Variants in FBXO8 observed in about 807,000 individuals in gnomAD.
The protein encoded by FBXO8 is F-box only protein 8.
Under a neutral mutation model 33.4 loss-of-function variants are expected in FBXO8, and 15 were observed. That is an observed-to-expected ratio of 0.45 (90% CI 0.30 to 0.69). FBXO8 has a LOEUF of 0.69. Ranked by LOEUF, FBXO8 falls within the 30% of genes least tolerant of loss-of-function variation. FBXO8 has a pLI of 0.08. For missense variants in FBXO8, 274 were observed against 380.3 expected (o/e 0.72, Z 2.32); for synonymous variants, 132 against 131.5 (o/e 1.00, Z -0.02).
At chr4:174,282,771 T>G (rs746735225) in intron 1 of FBXO8, among the ~76,000 whole-genome samples, 35 of 152,198 alleles carry the variant, frequency 2.3e-4, no homozygotes, top group Non-Finnish European at 4.6e-4. Context: ...TCAATTATTT[T>G]ATTAGTAAAT....
chr4:174,279,780 G>T (rs1224223722), intron 1 of FBXO8, among the ~76,000 whole-genome samples: 1 of 151,960 alleles, frequency 6.6e-6, no homozygotes, highest in Non-Finnish European at 1.5e-5. Context: ...ATGGTGCTGA[G>T]AAATCATATC....
At chr4:174,249,430 C>A (rs1348088638) in intron 3 of FBXO8, among the ~76,000 whole-genome samples, 2 of 151,988 alleles carry the variant, frequency 1.3e-5, no homozygotes, top group Non-Finnish European at 2.9e-5. Flanking sequence ...ATTTAGAATT[C>A]TTGCTTTATA....
chr4:174,258,708 A>T (rs1736472110), intron 3 of FBXO8, among the ~76,000 whole-genome samples: 1 of 152,046 alleles, frequency 6.6e-6, no homozygotes, highest in Admixed American at 6.6e-5. Context: ...ATAAGTAAAA[A>T]TCAATTGATT....
At position 174,259,344 on chromosome 4, in the gene FBXO8, C is replaced by A. The variant is rs1372306699; in HGVS notation, c.456+355G>T. Among the ~76,000 whole-genome samples the A allele has an allele frequency of 1.3e-5, 2 of 151,864 alleles. No homozygotes were observed. Among genetic ancestry groups the A allele is most frequent in the East Asian group, 3.9e-4 (2 of 5,194 alleles). On this transcript the variant is annotated intron_variant, in intron 3 of 5. Coordinates refer to ENST00000393674, the MANE Select transcript of FBXO8 (RefSeq NM_012180.3). The surrounding 1 kb of genome is among the most constrained non-coding windows in gnomAD (Gnocchi z 4.3). ...ATCACTACTAAGGAAAAACAATAAACAGAAAAAAACTGCTGCAGATAAAAT... is the reference window on the plus strand; with the variant it reads ...ATCACTACTAAGGAAAAACAATAAAAAGAAAAAAACTGCTGCAGATAAAAT...
chr4:174,258,460 T>C (rs932763256), intron 3 of FBXO8, among the ~76,000 whole-genome samples: 7 of 152,198 alleles, frequency 4.6e-5, no homozygotes, highest in Admixed American at 2.0e-4. Flanking sequence ...TAAATCATTC[T>C]AATTTCATTA....
Position 174,283,611 on chromosome 4 carries a change from C to G in FBXO8, c.-210G>C. 3.0e-6 allele frequency: 1 copy of G among 332,160 alleles called. No homozygotes were observed. The highest frequency in any genetic ancestry group is 5.4e-6 in the Non-Finnish European group (1 of 185,006). 20.6% of individuals were successfully genotyped at this position (332,160 alleles called of 1,614,324 possible). A position where few individuals can be genotyped will look rare whatever the true frequency, so the allele number is the denominator to read the frequency against. On this transcript the variant is annotated 5_prime_UTR_variant, in exon 1 of 6. Coordinates refer to ENST00000393674, the MANE Select transcript of FBXO8 (RefSeq NM_012180.3). The surrounding 1 kb of genome is among the most constrained non-coding windows in gnomAD (Gnocchi z 6.7). Reference sequence around the variant, plus strand: ...CTACGACCCTCAGAACTCAGGGTACCTCCAGCTGCAGGGGCCAGAACTGCC... The same window carrying G: ...CTACGACCCTCAGAACTCAGGGTACGTCCAGCTGCAGGGGCCAGAACTGCC...
In FBXO8 at chr4:174,251,835, A is replaced by G. The variant is rs1736292207; in HGVS notation, c.456+7864T>C. On this transcript the variant is annotated intron_variant, in intron 3 of 5. Transcript: ENST00000393674. This position sits in a 1 kb window ranked among gnomAD's most constrained non-coding sequence, Gnocchi z 4.2. The stretch of plus-strand genomic sequence containing the variant: ...CTCCAGCATTTTAGCTCCTATGGGT[A>G]AACAGTTCTTACAGAGGGGGGAGCT... 6.6e-6 allele frequency among the ~76,000 whole-genome samples: 1 copy of G among 152,104 alleles called. No homozygotes were observed. Among genetic ancestry groups the G allele is most frequent in the Admixed American group, 6.6e-5 (1 of 15,254 alleles).
chr4:174,239,464 T>G (rs1735976692), intron 4 of FBXO8, among the ~76,000 whole-genome samples: 1 of 151,786 alleles, frequency 6.6e-6, no homozygotes, highest in African/African-American at 2.4e-5. Context: ...AAAAAGGAAT[T>G]CTGCAGTATT....
chr4:174,252,560 T>C lies in FBXO8; in HGVS notation c.456+7139A>G, dbSNP rs1289916256. 6.6e-6 allele frequency among the ~76,000 whole-genome samples: 1 copy of C among 152,100 alleles called. No individual in the cohort carries two copies. Among genetic ancestry groups the C allele is most frequent in the Non-Finnish European group, 1.5e-5 (1 of 68,012 alleles). On this transcript the variant is annotated intron_variant, in intron 3 of 5. Coordinates refer to ENST00000393674, the MANE Select transcript of FBXO8 (RefSeq NM_012180.3). The surrounding 1 kb of genome is among the most constrained non-coding windows in gnomAD (Gnocchi z 5.1). ...TAGGGTTACTAATACCCCTCATGGC[T>C]ACCAGATGGCTGCACATGGTCATGC...
Position 174,251,454 on chromosome 4 carries a change from T to C in FBXO8, c.456+8245A>G, listed in dbSNP as rs939325594. ...TCTACACCACATGTTGGAGTGACTCTGGGAGAAAAGGGAAAAGGAGGGTGG... is the reference window on the plus strand; with the variant it reads ...TCTACACCACATGTTGGAGTGACTCCGGGAGAAAAGGGAAAAGGAGGGTGG... On this transcript the variant is annotated intron_variant, in intron 3 of 5. Transcript: ENST00000393674. The surrounding 1 kb of genome is among the most constrained non-coding windows in gnomAD (Gnocchi z 4.2). 5.3e-5 allele frequency among the ~76,000 whole-genome samples: 8 copies of C among 152,132 alleles called. No individual in the cohort carries two copies. The highest frequency in any genetic ancestry group is 1.2e-4 in the Non-Finnish European group (8 of 68,006).
In FBXO8 at chr4:174,257,416, T is replaced by C. The variant is rs1736441741; in HGVS notation, c.456+2283A>G. Reference sequence around the variant, plus strand: ...ACAACTTAGTACTTACCAGGTTACATTTCTCTTATAATGTAACATTTGAAA... The same window carrying C: ...ACAACTTAGTACTTACCAGGTTACACTTCTCTTATAATGTAACATTTGAAA... On this transcript the variant is annotated intron_variant, in intron 3 of 5. Transcript: ENST00000393674. The surrounding 1 kb of genome is among the most constrained non-coding windows in gnomAD (Gnocchi z 4.3). Among the ~76,000 whole-genome samples, 1 of 152,150 alleles carries C rather than the reference T, an allele frequency of 6.6e-6. No individual in the cohort carries two copies. The highest frequency in any genetic ancestry group is 2.1e-4 in the South Asian group (1 of 4,828).
At chr4:174,244,972 T>G (rs1339127107) in intron 3 of FBXO8, among the ~76,000 whole-genome samples, 1 of 151,792 alleles carries the variant, frequency 6.6e-6, no homozygotes, top group South Asian at 2.1e-4. Context: ...AATAGATATA[T>G]GTATATCTGT....
intron 1 of FBXO8, among the ~76,000 whole-genome samples, chr4:174,269,822 G>A (rs530578961): frequency 6.6e-6 from 1 of 152,214 alleles, no homozygotes; most frequent in South Asian, 2.1e-4. Context: ...ATTGGATGAA[G>A]CATCAAATGA....
At chr4:174,282,261 T>A (rs568462994) in intron 1 of FBXO8, among the ~76,000 whole-genome samples, 1 of 152,308 alleles carries the variant, frequency 6.6e-6, no homozygotes, top group African/African-American at 2.4e-5. Context: ...ATTTTGTGGA[T>A]GGAAGTAATT....
At chr4:174,276,520 G>C (rs1402237804) in intron 1 of FBXO8, among the ~76,000 whole-genome samples, 2 of 152,168 alleles carry the variant, frequency 1.3e-5, no homozygotes, top group African/African-American at 4.8e-5. Flanking sequence ...ACAGGCATGA[G>C]CCACTGTGAC....
rs368138801 is a variant in FBXO8, at chr4:174,244,283, A to G, written c.457-3065T>C. The stretch of plus-strand genomic sequence containing the variant: ...AGGTTACAAATCCTTATCCTAGATG[A>G]GTATAGATGTAAAGTCAGGAAATCT... On this transcript the variant is annotated intron_variant, in intron 3 of 5. Coordinates refer to ENST00000393674, the MANE Select transcript of FBXO8 (RefSeq NM_012180.3). 1.4e-4 allele frequency among the ~76,000 whole-genome samples: 21 copies of G among 151,752 alleles called. No homozygotes were observed. In the South Asian group the frequency reaches 2.1e-3, roughly 15 times the overall value.
In FBXO8 at chr4:174,238,885, G is replaced by T. The variant is rs1278511653; in HGVS notation, c.772+109C>A. The T allele has an allele frequency of 4.5e-6, 3 of 671,884 alleles. No homozygotes were observed. In the African/African-American group the frequency reaches 5.6e-5, roughly 13 times the overall value. 41.6% of individuals were successfully genotyped at this position (671,884 alleles called of 1,614,324 possible). A position where few individuals can be genotyped will look rare whatever the true frequency, so the allele number is the denominator to read the frequency against. ...GCTACAAACAGTAAAACAAGTATTT[G>T]TAATTACTGAGAATATTTTTCCCCA... On this transcript the variant is annotated intron_variant, in intron 5 of 5. Coordinates refer to ENST00000393674, the MANE Select transcript of FBXO8 (RefSeq NM_012180.3).
rs1348053716 is a variant in FBXO8, at chr4:174,275,740, G to A, written c.-9+7670C>T. 9.9e-5 allele frequency among the ~76,000 whole-genome samples: 15 copies of A among 152,128 alleles called. No homozygotes were observed. The highest frequency in any genetic ancestry group is 9.8e-4 in the Admixed American group (15 of 15,272). ...AAATAGTAACTATTTTAGATTTTGG[G>A]AATCCAACTAATTGTGAAAAATCTA... On this transcript the variant is annotated intron_variant, in intron 1 of 5. Transcript: ENST00000393674. This position sits in a 1 kb window ranked among gnomAD's most constrained non-coding sequence, Gnocchi z 4.4.
At chr4:174,258,319 G>A (rs1299365031) in intron 3 of FBXO8, among the ~76,000 whole-genome samples, 1 of 152,084 alleles carries the variant, frequency 6.6e-6, no homozygotes, top group African/African-American at 2.4e-5. Flanking sequence ...GAAAAAATGT[G>A]CAATAAAGGC....
Sources: allele counts gnomAD v4.1 joint callset (sites outside exome capture counted in the v4.1 genomes callset), GRCh38; gene constraint gnomAD v4.1.1; non-coding constraint Gnocchi (gnomAD v3.1); transcripts MANE v1.5; gene names NCBI Gene and HGNC (gene_info 2026-07-23, HGNC 2026-07-21).